MILR1: variants seen among roughly 807,000 people sequenced by gnomAD.
The protein encoded by MILR1 is allergin-1.
Under a neutral mutation model 18.5 loss-of-function variants are expected in MILR1, and 31 were observed. That is an observed-to-expected ratio of 1.68 (90% CI 1.26 to 2.26). MILR1 has a LOEUF of 2.26. MILR1 is among the 30% of genes most tolerant of loss of function. MILR1 has a pLI of 0.00. For missense variants in MILR1, 257 were observed against 157.4 expected (o/e 1.63, Z -3.38); for synonymous variants, 85 against 56.2 (o/e 1.51, Z -2.30).
the MILR1 span, chr17:64,491,061 AC>A: frequency 2.0e-6 from 2 of 1,017,914 alleles, no homozygotes; most frequent in South Asian, 2.6e-5. Context: ...ATTGTCCGAT[AC>A]TTTTTATTCA....
At chr17:64,491,425 T>A in the MILR1 span, 1 of 745,264 alleles carries the variant, frequency 1.3e-6, no homozygotes, top group Non-Finnish European at 2.1e-6. Flanking sequence ...CAAGACTTCA[T>A]CTCTACAAAT....
the MILR1 span, chr17:64,481,193 A>T: frequency 1.3e-6 from 1 of 760,784 alleles, no homozygotes; most frequent in Non-Finnish European, 1.6e-6. Context: ...TGACTGAGCT[A>T]CAGCATCCTA....
At chr17:64,475,370 C>A in the MILR1 span, among the ~76,000 whole-genome samples, 1 of 151,960 alleles carries the variant, frequency 6.6e-6, no homozygotes, top group East Asian at 1.9e-4. Context: ...AGCAAACGGC[C>A]GGGTGCGGTG....
At chr17:64,477,477 G>C in the MILR1 span, among the ~76,000 whole-genome samples, 2 of 152,150 alleles carry the variant, frequency 1.3e-5, no homozygotes, top group East Asian at 3.8e-4. Context: ...AGATCCCGAA[G>C]CAACAATGAT....
At chr17:64,470,019 C>G (rs781845996), downstream of MILR1, among the ~76,000 whole-genome samples, 1 of 152,096 alleles carries the variant, frequency 6.6e-6, no homozygotes, top group Non-Finnish European at 1.5e-5. Context: ...ACAGATACAG[C>G]GTTTCAGTTT....
chr17:64,487,389 G>GCCTGT, the MILR1 span: 3 of 152,242 alleles, frequency 2.0e-5, no homozygotes, highest in Middle Eastern at 6.8e-3. Flanking sequence ...CATGGTGGAC[G>GCCTGT]AATCACTTGA....
the MILR1 span, among the ~76,000 whole-genome samples, chr17:64,495,685 C>T: frequency 3.9e-5 from 6 of 152,116 alleles, no homozygotes; most frequent in African/African-American, 1.4e-4. Context: ...TATCTTGGTT[C>T]CTAATAACAA....
chr17:64,477,181 C>T, the MILR1 span, among the ~76,000 whole-genome samples: 6 of 152,090 alleles, frequency 3.9e-5, no homozygotes, highest in African/African-American at 1.2e-4. Flanking sequence ...TTCCTGGTAA[C>T]AAAGCCCATT....
At chr17:64,491,770 G>A in the MILR1 span, 49 of 642,136 alleles carry the variant, frequency 7.6e-5, no homozygotes, top group Admixed American at 5.6e-4. Context: ...AAGCACGAGC[G>A]GCTATGCAAG....
At chr17:64,466,570 T>C (rs1555663280) in intron 7 of MILR1, 24 bp from the exon 8 acceptor site, 1 of 1,611,040 alleles carries the variant, frequency 6.2e-7, no homozygotes, top group South Asian at 1.1e-5. Context: ...GCCCAATAAT[T>C]CCTATTCCTT....
Position 64,465,453 on chromosome 17 carries a change from A to G in MILR1, c.765A>G (p.Arg255=), listed in dbSNP as rs1555662908. 1 of 1,599,868 alleles carries G rather than the reference A, an allele frequency of 6.3e-7. No individual in the cohort carries two copies. Residue 255 remains arginine, a splice_region_variant and synonymous_variant, in exon 6 of 10, where the codon AGA becomes AGG. Coordinates refer to ENST00000619286, the MANE Select transcript of MILR1 (RefSeq NM_001085423.2). ...AFWVLPKYKT[R]KAMRNNVPRD... is the part of the protein sequence containing the mutation. ...GATGATTCCTACCTATTTACGTAGGAAAAGCTATGAGAAATAATGTGCCCA... is the reference window on the plus strand; with the variant it reads ...GATGATTCCTACCTATTTACGTAGGGAAAGCTATGAGAAATAATGTGCCCA...
the MILR1 span, chr17:64,496,781 C>G: frequency 6.2e-7 from 1 of 1,613,946 alleles, no homozygotes; most frequent in Non-Finnish European, 8.5e-7. Context: ...GCTTCCCTCT[C>G]CAGACCCGGG....
At chr17:64,453,122 A>G (rs897836288) in intron 3 of MILR1, among the ~76,000 whole-genome samples, 3 of 148,972 alleles carry the variant, frequency 2.0e-5, no homozygotes, top group Admixed American at 6.7e-5. Flanking sequence ...AGGCTGGAGT[A>G]CAGTGGTGAA....
chr17:64,488,185 G>A, the MILR1 span, among the ~76,000 whole-genome samples: 7 of 152,040 alleles, frequency 4.6e-5, no homozygotes, highest in Admixed American at 3.3e-4. Context: ...GCAACACAGC[G>A]AGACCCCATC....
At chr17:64,475,876 C>T in the MILR1 span, among the ~76,000 whole-genome samples, 374 of 142,562 alleles carry the variant, frequency 2.6e-3, 1 homozygote, top group East Asian at 0.011. Context: ...TACAATGGCG[C>T]GATCTTGGCT....
At chr17:64,474,955 A>G in the MILR1 span, among the ~76,000 whole-genome samples, 1 of 152,198 alleles carries the variant, frequency 6.6e-6, no homozygotes, top group East Asian at 1.9e-4. Flanking sequence ...ACACTTTGGG[A>G]GGCTGAGGTG....
At chr17:64,496,810 G>T in the MILR1 span, 10 of 1,613,618 alleles carry the variant, frequency 6.2e-6, no homozygotes, top group South Asian at 5.5e-5. Context: ...GGTGCTCGCC[G>T]TTCCCCTCGA....
the MILR1 span, chr17:64,492,730 A>T: frequency 6.2e-7 from 1 of 1,613,504 alleles, no homozygotes; most frequent in South Asian, 1.1e-5. Flanking sequence ...AAGTTCTCGG[A>T]GGAGTAAACC....
chr17:64,496,211 G>A, the MILR1 span, among the ~76,000 whole-genome samples: 11 of 152,238 alleles, frequency 7.2e-5, no homozygotes, highest in African/African-American at 2.4e-4. Context: ...GATTGTTTAA[G>A]GAACAGCAAT....
Sources: allele counts gnomAD v4.1 joint callset (sites outside exome capture counted in the v4.1 genomes callset), GRCh38; gene constraint gnomAD v4.1.1; transcripts MANE v1.5; gene names NCBI Gene and HGNC (gene_info 2026-07-23, HGNC 2026-07-21).